The following PCF11 variants were observed in gnomAD, a reference collection of about 807,000 sequenced individuals.
The protein encoded by PCF11 is pre-mRNA cleavage complex 2 protein Pcf11.
PCF11 carries 19 observed loss-of-function variants against 166.1 expected under a neutral mutation model. That is an observed-to-expected ratio of 0.11 (90% CI 0.08 to 0.17). PCF11 has a LOEUF of 0.17. Ranked by LOEUF, PCF11 falls within the 10% of genes least tolerant of loss-of-function variation. The probability of loss-of-function intolerance (pLI) is 1.00; values close to 1 mark genes in which losing one functional copy is unlikely to be tolerated. For missense variants in PCF11, 1,565 were observed against 1,855.5 expected (o/e 0.84, Z 2.88); for synonymous variants, 663 against 644.1 (o/e 1.03, Z -0.44).
At chr11:83,168,945 C>T (rs1860574210) in exon 8 of PCF11, 1 of 1,613,408 alleles carries the variant, frequency 6.2e-7, no homozygotes, top group Non-Finnish European at 8.5e-7. Flanking sequence ...GACCAGGAGG[C>T]CAGCCTGTGG....
chr11:83,170,318 C>T (rs1329794714), intron 8 of PCF11, among the ~76,000 whole-genome samples: 1 of 152,124 alleles, frequency 6.6e-6, no homozygotes, highest in Non-Finnish European at 1.5e-5. Context: ...TAGACCTCTA[C>T]ATTGCAGAAC....
At chr11:83,185,524 T>C (rs946318820) in exon 16 of PCF11, 2 of 152,544 alleles carry the variant, frequency 1.3e-5, no homozygotes, top group African/African-American at 4.8e-5. Context: ...AAATATCTAA[T>C]GATGCAAAGT....
intron 1 of PCF11, among the ~76,000 whole-genome samples, chr11:83,161,112 GTT>G (rs543348498): frequency 6.3e-4 from 96 of 151,712 alleles, no homozygotes; most frequent in African/African-American, 2.2e-3. Flanking sequence ...GATTACAGCT[GTT>G]GTTCATCCTG....
intron 1 of PCF11, among the ~76,000 whole-genome samples, chr11:83,159,501 T>G (rs954438214): frequency 1.3e-5 from 2 of 152,164 alleles, no homozygotes; most frequent in Admixed American, 1.3e-4. Context: ...AACCGAAAAC[T>G]AAATGCTGAA....
At chr11:83,177,347 T>G in intron 10 of PCF11, 143 bp downstream of exon 10, 1 of 670,626 alleles carries the variant, frequency 1.5e-6, no homozygotes, top group Non-Finnish European at 2.3e-6. Flanking sequence ...GATTTTCGGT[T>G]TATAATGAAA....
chr11:83,168,829 C>T (rs759268836), exon 8 of PCF11: 2 of 1,613,656 alleles, frequency 1.2e-6, no homozygotes, highest in Non-Finnish European at 1.7e-6. Flanking sequence ...GGGGACACCT[C>T]TGCGGTTTGA....
At chr11:83,176,692 G>GA in intron 9 of PCF11, among the ~76,000 whole-genome samples, 1 of 151,934 alleles carries the variant, frequency 6.6e-6, no homozygotes, top group African/African-American at 2.4e-5. Flanking sequence ...GTCGGGGGGT[G>GA]GGGGGTCTGG....
At chr11:83,181,878 G>C in exon 13 of PCF11, 2 of 1,611,042 alleles carry the variant, frequency 1.2e-6, no homozygotes, top group Non-Finnish European at 1.7e-6. Context: ...TGAGGAGATA[G>C]CTGATCTGGA....
exon 1 of PCF11, chr11:83,157,172 G>T (rs1446680026): frequency 1.7e-6 from 1 of 574,854 alleles, no homozygotes; most frequent in African/African-American, 1.9e-5. Flanking sequence ...TTCGGAGCTG[G>T]AGCCGCCACT....
rs757291346 is a variant in PCF11, at chr11:83,184,815, C to T, written c.4589C>T (p.Thr1530Ile). ...AAAGTTAAGGAAGAACGAATTGATA[C>T]ACCACCAGCTTGTACAGAGGAAAGC... Residue 1530 changes from threonine to isoleucine, a missense_variant, in exon 16 of 16, where the codon ACA becomes ATA. Thr to Ile is a moderately conservative substitution (Grantham distance 89, BLOSUM62 -1). Around this residue, in one of 12 missense-constraint regions of PCF11, gnomAD observed 99 missense variants for 89.1 expected, o/e 1.11. Coordinates refer to ENST00000298281, the Ensembl canonical transcript of PCF11. 6 of 1,606,646 alleles carry T rather than the reference C, an allele frequency of 3.7e-6. No individual in the cohort carries two copies. The highest frequency in any genetic ancestry group is 1.3e-5 in the African/African-American group (1 of 74,564).
At chr11:83,160,041 C>A (rs1250203137) in intron 1 of PCF11, among the ~76,000 whole-genome samples, 1 of 152,156 alleles carries the variant, frequency 6.6e-6, no homozygotes, top group Non-Finnish European at 1.5e-5. Context: ...ATATAGTTGA[C>A]CCACATGCAG....
intron 1 of PCF11, among the ~76,000 whole-genome samples, chr11:83,160,755 T>C (rs894185233): frequency 1.3e-5 from 2 of 152,224 alleles, no homozygotes; most frequent in African/African-American, 4.8e-5. Context: ...ACTTCCTGCA[T>C]GTTCGTGTGC....
chr11:83,166,204 A>C (rs757162775), exon 5 of PCF11: 1 of 1,612,712 alleles, frequency 6.2e-7, no homozygotes, highest in Non-Finnish European at 8.5e-7. Flanking sequence ...GAGCACATGA[A>C]GTCATCCGAA....
intron 1 of PCF11, among the ~76,000 whole-genome samples, chr11:83,160,355 T>TG (rs1157833250): frequency 7.1e-6 from 1 of 140,792 alleles, no homozygotes; most frequent in Admixed American, 6.9e-5. Flanking sequence ...TCTTTTTTTT[T>TG]TATTTTAAAT....
At chr11:83,169,809 A>T (rs1860618518) in exon 8 of PCF11, 1 of 1,613,820 alleles carries the variant, frequency 6.2e-7, no homozygotes, top group East Asian at 2.2e-5. Flanking sequence ...ATGAACAAAT[A>T]TTTGATTCAC....
At chr11:83,168,816 A>G (rs1237983278) in exon 8 of PCF11, 1 of 1,613,686 alleles carries the variant, frequency 6.2e-7, no homozygotes, top group East Asian at 2.2e-5. Context: ...CTCCAGGACC[A>G]GTGGGGACAC....
At chr11:83,157,337 C>T (rs1414754743) in exon 1 of PCF11, 12 of 1,072,540 alleles carry the variant, frequency 1.1e-5, no homozygotes, top group Non-Finnish European at 1.5e-5. Context: ...AAGCCGGAGC[C>T]GCGAGAGAGC....
chr11:83,160,798 T>C (rs1283099893), intron 1 of PCF11, among the ~76,000 whole-genome samples: 1 of 152,168 alleles, frequency 6.6e-6, no homozygotes, highest in African/African-American at 2.4e-5. Context: ...ACTTCCTAGG[T>C]GAAGTGTTTT....
chr11:83,173,078 AG>A, intron 9 of PCF11, among the ~76,000 whole-genome samples: 1 of 152,368 alleles, frequency 6.6e-6, no homozygotes, highest in South Asian at 2.1e-4. Context: ...CCAGAAGACC[AG>A]GGTTGGAATC....
Sources: allele counts gnomAD v4.1 joint callset (sites outside exome capture counted in the v4.1 genomes callset), GRCh38; gene constraint gnomAD v4.1.1; regional missense constraint gnomAD v4.1.1; transcripts MANE v1.5; gene names NCBI Gene and HGNC (gene_info 2026-07-23, HGNC 2026-07-21).